LPXN: variants seen among roughly 807,000 people sequenced by gnomAD.
The protein encoded by LPXN is leupaxin.
In LPXN, 28 loss-of-function variants were observed where a neutral mutation model predicts 45.6. The observed-to-expected ratio is 0.61, with a 90% CI of 0.45 to 0.84. The LOEUF is 0.84. Among genes scored for constraint, LPXN ranks in the 40% least tolerant of loss-of-function variants. LPXN has a pLI of 0.00. For missense variants in LPXN, 459 were observed against 475.0 expected (o/e 0.97, Z 0.31); for synonymous variants, 166 against 169.9 (o/e 0.98, Z 0.18).
rs780712916 is a variant in LPXN, at chr11:58,527,454, T to C, written c.1161A>G (p.Ter387=). 1.9e-6 allele frequency: 3 copies of C among 1,614,132 alleles called. No individual in the cohort carries two copies. Among genetic ancestry groups the C allele is most frequent in the South Asian group, 2.2e-5 (2 of 91,078 alleles). Residue 387 remains the stop codon, a stop_retained_variant, in exon 9 of 9, where the codon TAA becomes TAG. Transcript: ENST00000395074. ...TGAAGAGGCTATGGATCAGTTGGCA[T>C]TACAGTGGGAAGAGCTTATTGAAGC... is the stretch of plus-strand genomic sequence containing the variant. The part of the protein sequence containing the change: ...QPCFNKLFPL[*]
chr11:58,570,601 CTCA>C lies in LPXN; in HGVS notation c.123_125del (p.Asp41del). 1 of 1,613,522 alleles carries C rather than the reference CTCA, an allele frequency of 6.2e-7. No homozygotes were observed. Among genetic ancestry groups the C allele is most frequent in the South Asian group, 1.1e-5 (1 of 91,052 alleles). ...CCTGAATAGAAAGGATCTCCGAAGT[CTCA>C]TCAAGGTTAGTCTCCTTTCTGGAAT... On this transcript the variant is annotated inframe_deletion, in exon 2 of 9. Transcript: ENST00000395074.
At chr11:58,555,770 A>ACACACACACACACACTCACACACATG (rs1565197403) in intron 3 of LPXN, among the ~76,000 whole-genome samples, 7 of 12,016 alleles carry the variant, frequency 5.8e-4, no homozygotes, top group Non-Finnish European at 2.6e-3. Flanking sequence ...ACACACATGC[A>ACACACACACACACACTCACACACATG]CACACACACA....
chr11:58,546,298 A>C (rs908846496), intron 7 of LPXN, among the ~76,000 whole-genome samples: 6 of 152,200 alleles, frequency 3.9e-5, no homozygotes, highest in Non-Finnish European at 7.3e-5. Flanking sequence ...CAAGGCTAGA[A>C]ACAGGACTGG....
intron 4 of LPXN, among the ~76,000 whole-genome samples, chr11:58,552,332 G>T (rs61889505): frequency 6.6e-6 from 1 of 150,984 alleles, no homozygotes. Context: ...AAAAAAAAAG[G>T]CTAACTGACC....
At chr11:58,546,461 A>C (rs1853878855) in intron 7 of LPXN, among the ~76,000 whole-genome samples, 1 of 152,224 alleles carries the variant, frequency 6.6e-6, no homozygotes, top group East Asian at 1.9e-4. Context: ...GAAAAATGGG[A>C]ATTAAGTAAA....
chr11:58,539,245 G>A (rs1224761076), intron 7 of LPXN, among the ~76,000 whole-genome samples: 1 of 152,188 alleles, frequency 6.6e-6, no homozygotes, highest in East Asian at 1.9e-4. Flanking sequence ...AGGAGTTCAA[G>A]GCTGTAGCAA....
chr11:58,532,565 G>C (rs1329564083), intron 7 of LPXN, among the ~76,000 whole-genome samples: 1 of 151,646 alleles, frequency 6.6e-6, no homozygotes, highest in African/African-American at 2.4e-5. Flanking sequence ...TCTGTGTCTA[G>C]CTAATCTAGT....
At chr11:58,542,391 G>A (rs1853754967) in intron 7 of LPXN, among the ~76,000 whole-genome samples, 1 of 151,332 alleles carries the variant, frequency 6.6e-6, no homozygotes, top group African/African-American at 2.4e-5. Context: ...ATATATTCCT[G>A]GTAATAATAT....
In LPXN at chr11:58,541,931, A is replaced by G. The variant is rs559156109; in HGVS notation, c.742+7855T>C. Among the ~76,000 whole-genome samples the G allele has an allele frequency of 2.9e-4, 44 of 152,158 alleles. 1 individual carries two copies. Among genetic ancestry groups the G allele is most frequent in the Admixed American group, 2.8e-3 (43 of 15,274 alleles). ...TGGAAATCATCATTCTCAGTAAACT[A>G]TCTCAAGGACAAAAAACCAAACACC... On this transcript the variant is annotated intron_variant, in intron 7 of 8. Coordinates refer to ENST00000395074, the MANE Select transcript of LPXN (RefSeq NM_004811.3).
intron 7 of LPXN, among the ~76,000 whole-genome samples, chr11:58,530,652 G>C (rs1180853716): frequency 6.6e-6 from 1 of 152,216 alleles, no homozygotes; most frequent in East Asian, 1.9e-4. Context: ...ATCCCTGCCT[G>C]ACAGCTCTGA....
intron 3 of LPXN, among the ~76,000 whole-genome samples, chr11:58,559,857 T>C (rs1487814144): frequency 1.3e-5 from 2 of 152,160 alleles, no homozygotes; most frequent in Non-Finnish European, 2.9e-5. Flanking sequence ...TCCTGGGCAA[T>C]AGAGACAGAC....
chr11:58,578,654 G>A (rs950974420), upstream of LPXN, among the ~76,000 whole-genome samples: 2 of 152,190 alleles, frequency 1.3e-5, no homozygotes, highest in Non-Finnish European at 2.9e-5. Flanking sequence ...AGAACGCCCA[G>A]GCTACTTCTG....
intron 7 of LPXN, 42 bp downstream of exon 7, chr11:58,549,744 C>T (rs1221485613): frequency 1.3e-6 from 2 of 1,564,726 alleles, no homozygotes; most frequent in Middle Eastern, 1.8e-4. Flanking sequence ...CTTATAACTA[C>T]CCACTGGGGT....
chr11:58,570,335 A>G (rs1454148654), intron 2 of LPXN, among the ~76,000 whole-genome samples: 1 of 151,582 alleles, frequency 6.6e-6, no homozygotes, highest in African/African-American at 2.4e-5. Context: ...AAAATAAAAA[A>G]AATAAAAAAA....
chr11:58,556,108 A>G (rs1423209195), intron 3 of LPXN, among the ~76,000 whole-genome samples: 1 of 152,140 alleles, frequency 6.6e-6, no homozygotes, highest in East Asian at 1.9e-4. Context: ...AACGATGTGC[A>G]TGTGTGAAGA....
At chr11:58,564,559 GT>G (rs1405955781) in intron 2 of LPXN, among the ~76,000 whole-genome samples, 2 of 152,150 alleles carry the variant, frequency 1.3e-5, no homozygotes, top group Non-Finnish European at 2.9e-5. Flanking sequence ...AGACTATAAT[GT>G]TATTAAACTT....
intron 7 of LPXN, among the ~76,000 whole-genome samples, chr11:58,538,873 T>C (rs1403723094): frequency 6.6e-6 from 1 of 152,084 alleles, no homozygotes; most frequent in Non-Finnish European, 1.5e-5. Context: ...ATTATATTAA[T>C]GCCTTTGGAA....
intron 2 of LPXN, among the ~76,000 whole-genome samples, chr11:58,568,049 G>A (rs372048804): frequency 6.2e-4 from 95 of 152,168 alleles, no homozygotes; most frequent in South Asian, 2.5e-3. Flanking sequence ...GAGGTTCCAC[G>A]CATCTCACAG....
chr11:58,574,971 G>T (rs1036012881), intron 1 of LPXN, among the ~76,000 whole-genome samples: 1 of 152,174 alleles, frequency 6.6e-6, no homozygotes, highest in Admixed American at 6.5e-5. Context: ...TGGAAATTGG[G>T]TATAGTTTAG....
Sources: allele counts gnomAD v4.1 joint callset (sites outside exome capture counted in the v4.1 genomes callset), GRCh38; gene constraint gnomAD v4.1.1; transcripts MANE v1.5; gene names NCBI Gene and HGNC (gene_info 2026-07-23, HGNC 2026-07-21).